ARHGAP15: variants seen among roughly 807,000 people sequenced by gnomAD.
ARHGAP15 encodes the protein Rho GTPase activating protein 15, also known as rho GTPase-activating protein 15.
ARHGAP15 carries 51 observed loss-of-function variants against 63.7 expected under a neutral mutation model. That is an observed-to-expected ratio of 0.80 (90% CI 0.64 to 1.01). The LOEUF (loss-of-function observed/expected upper bound fraction) is 1.01. ARHGAP15 is among the 50% of genes least tolerant of loss of function. The probability of loss-of-function intolerance (pLI) is 0.00; values close to 1 mark genes in which losing one functional copy is unlikely to be tolerated. For synonymous variants in ARHGAP15, 191 were observed against 193.8 expected (o/e 0.99, Z 0.12); for missense variants, 560 against 564.6 (o/e 0.99, Z 0.08).
chr2:143,149,496 A>G (rs1319882437), intron 1 of ARHGAP15, among the ~76,000 whole-genome samples: 3 of 152,056 alleles, frequency 2.0e-5, no homozygotes, highest in Non-Finnish European at 2.9e-5. Flanking sequence ...TCTCAAAGCA[A>G]AAATCCCTGA....
At chr2:143,136,788 G>A (rs542655717) in intron 1 of ARHGAP15, among the ~76,000 whole-genome samples, 93 of 151,814 alleles carry the variant, frequency 6.1e-4, no homozygotes, top group African/African-American at 2.2e-3. Context: ...CCTTTTTTGA[G>A]GTTCTATTGA....
At chr2:143,482,083 G>T (rs55742521) in intron 8 of ARHGAP15, among the ~76,000 whole-genome samples, 1 of 152,060 alleles carries the variant, frequency 6.6e-6, no homozygotes, top group Non-Finnish European at 1.5e-5. Flanking sequence ...GTAAATTCTA[G>T]AATACCTGGA....
At chr2:143,668,466 A>G (rs1373556925) in intron 12 of ARHGAP15, among the ~76,000 whole-genome samples, 1 of 152,156 alleles carries the variant, frequency 6.6e-6, no homozygotes, top group East Asian at 1.9e-4. Flanking sequence ...TGGTGATCCT[A>G]CCCATGTATG....
chr2:143,692,783 TATTTCACA>T (rs1683667384), intron 12 of ARHGAP15, among the ~76,000 whole-genome samples: 2 of 152,182 alleles, frequency 1.3e-5, no homozygotes, highest in African/African-American at 4.8e-5. Flanking sequence ...TATGTGAGTA[TATTTCACA>T]AGTCTCTGCA....
chr2:143,609,867 G>A (rs184002852), intron 11 of ARHGAP15, among the ~76,000 whole-genome samples: 70 of 152,232 alleles, frequency 4.6e-4, no homozygotes, highest in African/African-American at 1.6e-3. Flanking sequence ...CTGAATTGGT[G>A]CCATGAGCAA....
chr2:143,618,040 G>A (rs1698511645), intron 11 of ARHGAP15, among the ~76,000 whole-genome samples: 1 of 152,188 alleles, frequency 6.6e-6, no homozygotes, highest in Non-Finnish European at 1.5e-5. Flanking sequence ...TGTGGAAGGA[G>A]GAGCTTTAGC....
At chr2:143,694,590 A>AGTTGC (rs1683762065) in intron 12 of ARHGAP15, among the ~76,000 whole-genome samples, 1 of 152,226 alleles carries the variant, frequency 6.6e-6, no homozygotes. Context: ...TGCTGACTAA[A>AGTTGC]GTTGCCACAT....
At chr2:143,208,166 T>C (rs1165569740) in intron 3 of ARHGAP15, among the ~76,000 whole-genome samples, 1 of 152,210 alleles carries the variant, frequency 6.6e-6, no homozygotes, top group Non-Finnish European at 1.5e-5. Flanking sequence ...TTCAGGCTTA[T>C]TTATTTCTAA....
chr2:143,264,854 G>A (rs750991116), intron 6 of ARHGAP15, among the ~76,000 whole-genome samples: 1 of 152,090 alleles, frequency 6.6e-6, no homozygotes, highest in South Asian at 2.1e-4. Context: ...CACAGTTCTT[G>A]GTGTCAGCTT....
intron 8 of ARHGAP15, among the ~76,000 whole-genome samples, chr2:143,473,635 A>G (rs1558995621): frequency 6.6e-6 from 1 of 152,178 alleles, no homozygotes; most frequent in Non-Finnish European, 1.5e-5. Flanking sequence ...TGTGTTATTT[A>G]AAGTAGATCT....
At chr2:143,304,924 C>A (rs868324541) in intron 6 of ARHGAP15, among the ~76,000 whole-genome samples, 24 of 151,980 alleles carry the variant, frequency 1.6e-4, no homozygotes, top group African/African-American at 4.8e-4. Context: ...GTGGCAATTC[C>A]TCAAGGATTT....
intron 13 of ARHGAP15, among the ~76,000 whole-genome samples, chr2:143,731,123 C>T (rs1439444156): frequency 6.6e-6 from 1 of 151,972 alleles, no homozygotes; most frequent in Non-Finnish European, 1.5e-5. Flanking sequence ...CTGCTCAATC[C>T]TCTCATTTCA....
intron 6 of ARHGAP15, among the ~76,000 whole-genome samples, chr2:143,392,198 T>TTAC: frequency 6.6e-6 from 1 of 152,206 alleles, no homozygotes. Context: ...TTCCAAATAC[T>TTAC]TACTACTTTT....
chr2:143,381,541 T>C (rs1024791434), intron 6 of ARHGAP15, among the ~76,000 whole-genome samples: 2 of 152,208 alleles, frequency 1.3e-5, no homozygotes, highest in Admixed American at 1.3e-4. Context: ...ACTTTTCATT[T>C]TTAATGGCCC....
intron 13 of ARHGAP15, among the ~76,000 whole-genome samples, chr2:143,736,177 C>A (rs1186979512): frequency 6.6e-6 from 1 of 152,084 alleles, no homozygotes; most frequent in Non-Finnish European, 1.5e-5. Flanking sequence ...AGGAGTGGAT[C>A]ACCTGAGGTC....
intron 13 of ARHGAP15, among the ~76,000 whole-genome samples, chr2:143,737,825 C>T (rs1023197488): frequency 2.0e-5 from 3 of 151,960 alleles, no homozygotes; most frequent in South Asian, 2.1e-4. Flanking sequence ...GGCACGATCT[C>T]GGCTCACTGC....
intron 13 of ARHGAP15, among the ~76,000 whole-genome samples, chr2:143,722,191 TCACACA>T (rs139484994): frequency 6.7e-5 from 10 of 149,476 alleles, no homozygotes; most frequent in South Asian, 2.1e-4. Context: ...ACACACACAC[TCACACA>T]CACACACACG....
chr2:143,533,924 C>A (rs960697447), intron 10 of ARHGAP15, among the ~76,000 whole-genome samples: 1 of 152,136 alleles, frequency 6.6e-6, no homozygotes, highest in Non-Finnish European at 1.5e-5. Flanking sequence ...CAGCTGAGGC[C>A]AATAAGCCTT....
chr2:143,390,883 A>G (rs977719558), intron 6 of ARHGAP15, among the ~76,000 whole-genome samples: 2 of 152,134 alleles, frequency 1.3e-5, no homozygotes, highest in African/African-American at 4.8e-5. Context: ...TTTCTGCCAA[A>G]GTTCCTTGTT....
Sources: allele counts gnomAD v4.1 joint callset (sites outside exome capture counted in the v4.1 genomes callset), GRCh38; gene constraint gnomAD v4.1.1; transcripts MANE v1.5; gene names NCBI Gene and HGNC (gene_info 2026-07-23, HGNC 2026-07-21).